The following RAD51B variants were observed in gnomAD, a reference collection of about 807,000 sequenced individuals.
The protein encoded by RAD51B is RAD51 paralog B, also known as DNA repair protein RAD51 homolog 2.
RAD51B carries 38 observed loss-of-function variants against 42.2 expected under a neutral mutation model. That is an observed-to-expected ratio of 0.90 (90% CI 0.70 to 1.18). RAD51B has a LOEUF of 1.18. Ranked by LOEUF, RAD51B falls within the 50% of genes most tolerant of loss-of-function variation. The pLI is 0.00. For missense variants in RAD51B, 373 were observed against 400.7 expected (o/e 0.93, Z 0.59); for synonymous variants, 154 against 145.2 (o/e 1.06, Z -0.43).
intron 8 of RAD51B, among the ~76,000 whole-genome samples, chr14:68,335,303 AAAAAAAAAAAGAAAAG>A (rs2082430883): frequency 7.2e-6 from 1 of 138,728 alleles, no homozygotes; most frequent in Non-Finnish European, 1.6e-5. Context: ...TGTCAAAAAA[AAAAAAAAAAAGAAAAG>A]AAAAAAGAAA....
intron 3 of RAD51B, among the ~76,000 whole-genome samples, chr14:67,834,705 T>G (rs1210800863): frequency 6.6e-6 from 1 of 152,210 alleles, no homozygotes; most frequent in Non-Finnish European, 1.5e-5. Context: ...TTTGCTTACC[T>G]AACAGCTCTT....
chr14:68,426,173 A>T (rs1032537508), intron 9 of RAD51B, among the ~76,000 whole-genome samples: 1 of 151,120 alleles, frequency 6.6e-6, no homozygotes, highest in African/African-American at 2.4e-5. Flanking sequence ...GGCTCAAGCA[A>T]TTCTCCCACC....
At chr14:68,522,835 G>T (rs893552837) in intron 10 of RAD51B, among the ~76,000 whole-genome samples, 1 of 152,140 alleles carries the variant, frequency 6.6e-6, no homozygotes, top group Non-Finnish European at 1.5e-5. Flanking sequence ...AACCAACTTT[G>T]CCTGTGCCAA....
chr14:67,898,068 C>T (rs1236945543), intron 7 of RAD51B, among the ~76,000 whole-genome samples: 1 of 152,186 alleles, frequency 6.6e-6, no homozygotes, highest in Non-Finnish European at 1.5e-5. Context: ...AGTCTTATTT[C>T]TGGCCATATA....
At chr14:68,659,206 T>C (rs1467959138) in intron 11 of RAD51B, among the ~76,000 whole-genome samples, 3 of 152,078 alleles carry the variant, frequency 2.0e-5, no homozygotes, top group Admixed American at 6.5e-5. Context: ...GGAAAAACAA[T>C]CTCCCCTGCC....
chr14:68,469,108 CCA>C (rs774588831), intron 10 of RAD51B: 1 of 514,454 alleles, frequency 1.9e-6, no homozygotes, highest in African/African-American at 1.9e-5. Flanking sequence ...GAGACCCCAA[CCA>C]CAGAGATGCT....
At chr14:68,469,167 G>A (rs1342097605) in intron 10 of RAD51B, 8 of 489,064 alleles carry the variant, frequency 1.6e-5, no homozygotes, top group Non-Finnish European at 3.0e-5. Flanking sequence ...TGTCACTGCT[G>A]TCCATGGGAG....
chr14:68,165,095 G>A (rs1952246), intron 7 of RAD51B, among the ~76,000 whole-genome samples: 134,594 of 152,246 alleles, frequency 0.88, 59,835 homozygotes, highest in East Asian at 0.99. Flanking sequence ...GTTGAACTCA[G>A]TGCCATATAA....
At chr14:68,202,553 TC>T (rs2079508377) in intron 7 of RAD51B, among the ~76,000 whole-genome samples, 1 of 151,614 alleles carries the variant, frequency 6.6e-6, no homozygotes. Flanking sequence ...CTTTCTTTGT[TC>T]ATTCATATGA....
intron 10 of RAD51B, among the ~76,000 whole-genome samples, chr14:68,511,637 A>G (rs528886886): frequency 4.5e-4 from 68 of 152,370 alleles, no homozygotes; most frequent in Non-Finnish European, 9.1e-4. Flanking sequence ...TGCTCTCAGC[A>G]GGACACATGT....
intron 7 of RAD51B, among the ~76,000 whole-genome samples, chr14:68,013,339 A>G (rs1444747413): frequency 1.3e-5 from 2 of 152,098 alleles, no homozygotes; most frequent in African/African-American, 2.4e-5. Context: ...CATTATTTCT[A>G]TTTTGCTCTG....
chr14:68,433,451 T>A (rs911546295), intron 9 of RAD51B, among the ~76,000 whole-genome samples: 5 of 152,160 alleles, frequency 3.3e-5, no homozygotes, highest in African/African-American at 1.2e-4. Flanking sequence ...CATTTCTTTT[T>A]ATTCTTTTTT....
At chr14:68,322,959 G>T (rs566288918) in intron 8 of RAD51B, among the ~76,000 whole-genome samples, 41 of 152,322 alleles carry the variant, frequency 2.7e-4, no homozygotes, top group African/African-American at 9.9e-4. Flanking sequence ...TGTTAGATGT[G>T]TGGTGTTAAT....
At chr14:68,215,309 C>T (rs1379463691) in intron 7 of RAD51B, among the ~76,000 whole-genome samples, 1 of 152,108 alleles carries the variant, frequency 6.6e-6, no homozygotes. Flanking sequence ...TTTCTCTTTT[C>T]TCTTTTACCA....
intron 3 of RAD51B, among the ~76,000 whole-genome samples, chr14:67,829,537 C>T (rs530846856): frequency 7.3e-5 from 11 of 151,672 alleles, no homozygotes; most frequent in Admixed American, 1.3e-4. Context: ...CCACTGTGCC[C>T]GGCCCAGTAT....
Position 68,379,535 on chromosome 14 carries a change from AACCAAAAT to A in RAD51B, c.854-31886_854-31879del, listed in dbSNP as rs1333887186. ...GGTATCACTTTGTCTGCCTGCAGTT[AACCAAAAT>A]ACTTACTCCCACCATAGGGAGAAGA... is the stretch of plus-strand genomic sequence containing the variant. On this transcript the variant is annotated intron_variant, in intron 8 of 10. Coordinates refer to ENST00000471583, the MANE Select transcript of RAD51B (RefSeq NM_133510.4). Among the ~76,000 whole-genome samples, 3 of 152,180 alleles carry A rather than the reference AACCAAAAT, an allele frequency of 2.0e-5. No individual in the cohort carries two copies. In the East Asian group the frequency reaches 5.8e-4, roughly 29 times the overall value.
At chr14:68,321,236 A>C (rs2082152120) in intron 8 of RAD51B, among the ~76,000 whole-genome samples, 1 of 152,174 alleles carries the variant, frequency 6.6e-6, no homozygotes. Flanking sequence ...TCTTAGCCCT[A>C]CACATCTGTA....
intron 8 of RAD51B, among the ~76,000 whole-genome samples, chr14:68,323,090 G>GT (rs942128779): frequency 2.6e-5 from 4 of 152,146 alleles, no homozygotes; most frequent in Non-Finnish European, 4.4e-5. Context: ...GCCCAGAGCT[G>GT]TTTTTCCCCC....
chr14:68,544,513 G>T (rs1313481958), intron 10 of RAD51B, among the ~76,000 whole-genome samples: 1 of 152,228 alleles, frequency 6.6e-6, no homozygotes, highest in African/African-American at 2.4e-5. Flanking sequence ...TGGAGGCTTG[G>T]CTGAGAATTG....
Sources: allele counts gnomAD v4.1 joint callset (sites outside exome capture counted in the v4.1 genomes callset), GRCh38; gene constraint gnomAD v4.1.1; transcripts MANE v1.5; gene names NCBI Gene and HGNC (gene_info 2026-07-23, HGNC 2026-07-21).